DOCK3: variants seen among roughly 807,000 people sequenced by gnomAD.
DOCK3 encodes the protein dedicator of cytokinesis protein 3.
DOCK3 carries 60 observed loss-of-function variants against 265.6 expected under a neutral mutation model. The observed-to-expected ratio is 0.23, with a 90% CI of 0.18 to 0.28. The LOEUF is 0.28. Among genes scored for constraint, DOCK3 ranks in the 10% least tolerant of loss-of-function variants. The pLI is 1.00. For missense variants in DOCK3, 1,981 were observed against 2,594.3 expected, an observed-to-expected ratio of 0.76 and a Z score of 5.14; for synonymous variants, 881 against 938.0, an observed-to-expected ratio of 0.94 and a Z score of 1.11.
intron 3 of DOCK3, among the ~76,000 whole-genome samples, chr3:50,889,243 C>G (rs1228197306): frequency 6.6e-6 from 1 of 151,832 alleles, no homozygotes; most frequent in Admixed American, 6.6e-5. Context: ...ACCACCACAC[C>G]TGGCTAACTT....
At position 51,225,633 on chromosome 3, in the gene DOCK3, A is replaced by G. The variant is rs1353228129; in HGVS notation, c.1253-16A>G. 1.6e-5 allele frequency: 26 copies of G among 1,605,880 alleles called. No individual in the cohort carries two copies. Among genetic ancestry groups the G allele is most frequent in the Non-Finnish European group, 2.0e-5 (23 of 1,176,208 alleles). ...GCTTCTGGAGTCATAAGGATGTGGCATTTCTTTCCCCGCAGGTGATATCCG... is the reference window on the plus strand; with the variant it reads ...GCTTCTGGAGTCATAAGGATGTGGCGTTTCTTTCCCCGCAGGTGATATCCG... On this transcript the variant is annotated splice_polypyrimidine_tract_variant and intron_variant, in intron 14 of 52. Transcript: ENST00000266037.
At chr3:50,861,173 G>C (rs1453691580) in intron 3 of DOCK3, among the ~76,000 whole-genome samples, 1 of 152,264 alleles carries the variant, frequency 6.6e-6, no homozygotes, top group South Asian at 2.1e-4. Flanking sequence ...TTGCTCCCAG[G>C]TGGGTCGTTG....
At chr3:50,741,976 G>A (rs912072679) in intron 1 of DOCK3, among the ~76,000 whole-genome samples, 22 of 152,214 alleles carry the variant, frequency 1.4e-4, no homozygotes, top group South Asian at 1.2e-3. Flanking sequence ...TCTAACTGGC[G>A]TGAGATGGTA....
intron 1 of DOCK3, among the ~76,000 whole-genome samples, chr3:50,718,858 C>T (rs2037295935): frequency 6.9e-6 from 1 of 145,574 alleles, no homozygotes; most frequent in South Asian, 2.2e-4. Flanking sequence ...GATCTCGGCT[C>T]ACTTGTGCTC....
intron 5 of DOCK3, among the ~76,000 whole-genome samples, chr3:51,012,841 G>A (rs555334698): frequency 1.2e-4 from 18 of 152,132 alleles, no homozygotes; most frequent in South Asian, 4.2e-4. Context: ...GGGTTTGTTC[G>A]TTTCCTTTTA....
intron 9 of DOCK3, among the ~76,000 whole-genome samples, chr3:51,116,774 G>C (rs1033114261): frequency 6.6e-6 from 1 of 152,058 alleles, no homozygotes; most frequent in Non-Finnish European, 1.5e-5. Context: ...GTTTATTATT[G>C]GTGTATAGGA....
intron 5 of DOCK3, among the ~76,000 whole-genome samples, chr3:51,011,807 G>A (rs1022007067): frequency 4.6e-5 from 7 of 152,126 alleles, no homozygotes; most frequent in Admixed American, 3.9e-4. Context: ...GTTTTGGTGT[G>A]GATGTCCTTT....
chr3:51,253,062 T>G (rs2108672758), intron 22 of DOCK3, among the ~76,000 whole-genome samples: 1 of 152,366 alleles, frequency 6.6e-6, no homozygotes, highest in South Asian at 2.1e-4. Context: ...GTTGAGAGTT[T>G]TTAGCGTGAA....
intron 10 of DOCK3, among the ~76,000 whole-genome samples, chr3:51,150,837 T>C (rs1450200297): frequency 6.6e-6 from 1 of 152,234 alleles, no homozygotes; most frequent in Non-Finnish European, 1.5e-5. Flanking sequence ...GAGAGTTCTG[T>C]AGATGTCTAT....
At chr3:51,156,737 C>T (rs1250899934) in intron 10 of DOCK3, among the ~76,000 whole-genome samples, 1 of 152,138 alleles carries the variant, frequency 6.6e-6, no homozygotes, top group East Asian at 1.9e-4. Flanking sequence ...TTGAAAAATA[C>T]CATAAATTAT....
At chr3:51,062,355 C>A (rs921788066) in intron 5 of DOCK3, among the ~76,000 whole-genome samples, 1 of 152,142 alleles carries the variant, frequency 6.6e-6, no homozygotes, top group Admixed American at 6.5e-5. Flanking sequence ...TTTTCCTGAA[C>A]ATGCCATGTT....
chr3:50,791,258 C>CTTTT (rs34015684), intron 2 of DOCK3, among the ~76,000 whole-genome samples: 59 of 62,774 alleles, frequency 9.4e-4, no homozygotes, highest in African/African-American at 1.2e-3. Flanking sequence ...TTAAATCTAT[C>CTTTT]TTTTTTTTTT....
intron 3 of DOCK3, among the ~76,000 whole-genome samples, chr3:50,881,674 A>G (rs982227007): frequency 6.6e-6 from 1 of 152,240 alleles, no homozygotes; most frequent in Admixed American, 6.5e-5. Context: ...CAATATCGTG[A>G]AAATGGCCAT....
chr3:51,291,613 T>C (rs7632664), intron 27 of DOCK3, among the ~76,000 whole-genome samples: 152,291 of 152,302 alleles, frequency 1, 76,140 homozygotes, highest in Middle Eastern at 1. Context: ...TTAAGAGTCT[T>C]CCATCAAAGA....
At chr3:51,032,752 A>C (rs2080104219) in intron 5 of DOCK3, among the ~76,000 whole-genome samples, 1 of 152,074 alleles carries the variant, frequency 6.6e-6, no homozygotes, top group Non-Finnish European at 1.5e-5. Context: ...TAAAAATTTA[A>C]AAACAAAAAT....
chr3:50,692,335 G>A (rs778894995), intron 1 of DOCK3, among the ~76,000 whole-genome samples: 28 of 152,092 alleles, frequency 1.8e-4, no homozygotes, highest in Middle Eastern at 3.2e-3. Context: ...TCCATGGACC[G>A]CAGAAGGGAT....
intron 13 of DOCK3, among the ~76,000 whole-genome samples, chr3:51,213,551 G>T (rs1202144599): frequency 6.6e-6 from 1 of 152,142 alleles, no homozygotes; most frequent in East Asian, 1.9e-4. Flanking sequence ...TGGAGTCAAG[G>T]CTTAGTTAGT....
In DOCK3 at chr3:51,349,883, C is replaced by T. The variant is rs183779282; in HGVS notation, c.4003-405C>T. The stretch of plus-strand genomic sequence containing the variant: ...GGTGAGAATTGATGGTAGCCAGCTA[C>T]AAGCAACCTAGTCAGAGGTCAACTG... On this transcript the variant is annotated intron_variant, in intron 39 of 52. Coordinates refer to ENST00000266037, the MANE Select transcript of DOCK3 (RefSeq NM_004947.5). Among the ~76,000 whole-genome samples, 441 of 152,298 alleles carry T rather than the reference C, an allele frequency of 2.9e-3. 1 individual carries two copies. The highest frequency in any genetic ancestry group is 4.7e-3 in the Non-Finnish European group (320 of 68,026).
At chr3:51,064,687 A>G in intron 6 of DOCK3, 91 bp downstream of exon 6, 16 of 1,474,016 alleles carry the variant, frequency 1.1e-5, no homozygotes, top group Non-Finnish European at 1.5e-5. Flanking sequence ...CTTCTCTTTA[A>G]TGATTCAAAG....
Sources: gnomAD v4.1 joint callset for allele counts (sites outside exome capture counted in the v4.1 genomes callset) on GRCh38, gnomAD v4.1.1 for gene constraint, MANE v1.5 for transcripts, NCBI Gene and HGNC (gene_info 2026-07-23, HGNC 2026-07-21) for gene names.